Variants in FARP2 observed in about 807,000 individuals in gnomAD.
FARP2 encodes the protein FERM, ARHGEF and pleckstrin domain-containing protein 2.
FARP2 carries 111 observed loss-of-function variants against 130.5 expected under a neutral mutation model. The ratio of observed to expected loss-of-function variants is 0.85; its 90% CI spans 0.73 to 1.00. FARP2 has a LOEUF of 1.00. FARP2 is among the 50% of genes least tolerant of loss of function. The pLI, the probability that FARP2 is intolerant of heterozygous loss-of-function variation, is 0.00. For missense variants in FARP2, 1,385 were observed against 1,346.3 expected, an observed-to-expected ratio of 1.03 and a Z score of -0.45; for synonymous variants, 504 against 516.9, an observed-to-expected ratio of 0.98 and a Z score of 0.34.
intron 7 of FARP2, among the ~76,000 whole-genome samples, chr2:241,414,409 G>A (rs16843650): frequency 0.022 from 3,282 of 152,276 alleles, 112 homozygotes; most frequent in African/African-American, 0.068. Flanking sequence ...GACACATCCT[G>A]TTGAGATGCA....
chr2:241,412,310 T>TC (rs2150363269), intron 6 of FARP2, among the ~76,000 whole-genome samples: 1 of 152,244 alleles, frequency 6.6e-6, no homozygotes, highest in South Asian at 2.1e-4. Flanking sequence ...ACTGGGTCCC[T>TC]CCCACAGTAA....
chr2:241,476,806 C>T (rs78250281), intron 19 of FARP2, among the ~76,000 whole-genome samples: 52 of 152,180 alleles, frequency 3.4e-4, no homozygotes, highest in Non-Finnish European at 6.6e-4. Context: ...GGTTATGTAG[C>T]CATCAATGTC....
chr2:241,390,781 T>G (rs2061887386), intron 2 of FARP2, among the ~76,000 whole-genome samples: 1 of 152,236 alleles, frequency 6.6e-6, no homozygotes, highest in South Asian at 2.1e-4. Flanking sequence ...ATACCAGGTT[T>G]ACTCATTCTT....
intron 11 of FARP2, among the ~76,000 whole-genome samples, chr2:241,435,510 A>ATTTTTTTTTTTTTTTTTTTTTT (rs374376821): frequency 7.4e-6 from 1 of 134,542 alleles, no homozygotes. Flanking sequence ...TGGATTTGTA[A>ATTTTTTTTTTTTTTTTTTTTTT]TTTTTTTTTT....
chr2:241,364,218 G>GT (rs1336748381), intron 1 of FARP2, among the ~76,000 whole-genome samples: 1 of 152,196 alleles, frequency 6.6e-6, no homozygotes, highest in African/African-American at 2.4e-5. Flanking sequence ...AGTTTTCAAC[G>GT]TAACATTTCT....
intron 2 of FARP2, among the ~76,000 whole-genome samples, chr2:241,386,501 A>G (rs2061786920): frequency 1.3e-5 from 2 of 152,196 alleles, no homozygotes; most frequent in South Asian, 4.1e-4. Flanking sequence ...TTAAGACAGT[A>G]TATTTAAGGG....
intron 13 of FARP2, chr2:241,443,877 A>G (rs1351749546): frequency 6.6e-6 from 1 of 152,228 alleles, no homozygotes; most frequent in East Asian, 1.9e-4. Context: ...TCCTGTTCAC[A>G]TTGTAAGATC....
At position 241,484,229 on chromosome 2, in the gene FARP2, T is replaced by G. The variant is rs1342345112; in HGVS notation, c.2332-13T>G. 1 of 1,614,076 alleles carries G rather than the reference T, an allele frequency of 6.2e-7. No individual in the cohort carries two copies. Among genetic ancestry groups the G allele is most frequent in the South Asian group, 1.1e-5 (1 of 91,072 alleles). ...TTGTGAAGTTCATGGATGTAAAGCT[T>G]GCTGCTTCTCAGTTCTCAGATATGT... On this transcript the variant is annotated splice_polypyrimidine_tract_variant and intron_variant, in intron 20 of 26. Coordinates refer to ENST00000264042, the MANE Select transcript of FARP2 (RefSeq NM_014808.4).
chr2:241,453,358 C>G (rs576737885), intron 13 of FARP2, among the ~76,000 whole-genome samples: 5 of 151,408 alleles, frequency 3.3e-5, no homozygotes, highest in Non-Finnish European at 5.9e-5. Flanking sequence ...CGCGGTGGCT[C>G]ATGCCTGTAA....
At chr2:241,425,464 A>G (rs1003498544) in intron 8 of FARP2, among the ~76,000 whole-genome samples, 1 of 152,070 alleles carries the variant, frequency 6.6e-6, no homozygotes, top group African/African-American at 2.4e-5. Flanking sequence ...AGAAGACCCA[A>G]GAACTCCCAG....
chr2:241,485,462 G>C (rs181398903), intron 21 of FARP2, among the ~76,000 whole-genome samples: 3 of 133,624 alleles, frequency 2.2e-5, no homozygotes, highest in African/African-American at 8.6e-5. Flanking sequence ...TCCCTCCCTG[G>C]GATCTTCCCT....
intron 22 of FARP2, 74 bp from the exon 23 acceptor site, chr2:241,490,987 C>T: frequency 1.7e-6 from 2 of 1,158,942 alleles, no homozygotes; most frequent in Non-Finnish European, 2.6e-6. Context: ...GCCCTGACGG[C>T]TCGCCCTCCC....
chr2:241,402,080 G>A (rs1315428421), intron 2 of FARP2, among the ~76,000 whole-genome samples: 1 of 152,084 alleles, frequency 6.6e-6, no homozygotes, highest in Non-Finnish European at 1.5e-5. Context: ...ATGAACCACC[G>A]TGCCCGGCCT....
rs115696216 is a variant in FARP2, at chr2:241,476,037, A to G, written c.2262+50A>G. ...TTTTTTGAGCTACTTTGGTTTTTCA[A>G]TTGAGATATAATTTACATACCACAA... is the stretch of plus-strand genomic sequence containing the variant. On this transcript the variant is annotated intron_variant, in intron 19 of 26. Coordinates refer to ENST00000264042, the MANE Select transcript of FARP2 (RefSeq NM_014808.4). The G allele has an allele frequency of 7.4e-5, 116 of 1,558,246 alleles. No homozygotes were observed. The Middle Eastern group carries it at 1.0e-3, about 14-fold the overall frequency.
intron 2 of FARP2, among the ~76,000 whole-genome samples, chr2:241,397,406 A>G (rs2062057366): frequency 6.6e-6 from 1 of 152,228 alleles, no homozygotes; most frequent in African/African-American, 2.4e-5. Flanking sequence ...ATTTGTTCTC[A>G]TGAAGTATAA....
intron 14 of FARP2, among the ~76,000 whole-genome samples, chr2:241,457,424 C>T (rs2063882637): frequency 1.5e-5 from 2 of 133,410 alleles, no homozygotes; most frequent in African/African-American, 5.8e-5. Context: ...GGGCAGGAGG[C>T]CCAGTGTAGA....
intron 6 of FARP2, among the ~76,000 whole-genome samples, chr2:241,413,093 G>A (rs111469966): frequency 4.1e-4 from 63 of 152,204 alleles, no homozygotes; most frequent in African/African-American, 1.4e-3. Context: ...TCAGGCCTTT[G>A]TTCTTCAAGA....
intron 18 of FARP2, among the ~76,000 whole-genome samples, chr2:241,474,987 T>G (rs927974268): frequency 9.2e-5 from 14 of 152,288 alleles, no homozygotes; most frequent in African/African-American, 3.1e-4. Context: ...CAGACCACTC[T>G]TAGTATAACT....
rs573616415 is a variant in FARP2 at position 241,397,878 on chromosome 2, G to A, written c.184-5950G>A. Among the ~76,000 whole-genome samples the A allele has an allele frequency of 2.8e-5, 4 of 142,934 alleles. 1 individual carries two copies. The East Asian group carries it at 8.2e-4, about 29-fold the overall frequency. The allele number at this position is 142,934 out of a possible 152,430, so 93.8% of individuals were successfully genotyped here. ...ACAGTCTCGCTCTGTCGCCCAGGCT[G>A]GAGTGCAGTGGCGTGATCTTGGCTC... On this transcript the variant is annotated intron_variant, in intron 2 of 26. Transcript: ENST00000264042.
Sources: gnomAD v4.1 joint callset for allele counts (sites outside exome capture counted in the v4.1 genomes callset) on GRCh38, gnomAD v4.1.1 for gene constraint, MANE v1.5 for transcripts, NCBI Gene and HGNC (gene_info 2026-07-23, HGNC 2026-07-21) for gene names.